TDRD1: variants seen among roughly 807,000 people sequenced by gnomAD.
TDRD1 encodes the protein tudor domain containing 1, also known as tudor domain-containing protein 1.
TDRD1 carries 37 observed loss-of-function variants against 140.6 expected under a neutral mutation model. That is an observed-to-expected ratio of 0.26 (90% CI 0.20 to 0.35). The LOEUF is 0.35. Among genes scored for constraint, TDRD1 ranks in the 10% least tolerant of loss-of-function variants. The probability of loss-of-function intolerance (pLI) is 1.00; values close to 1 mark genes in which losing one functional copy is unlikely to be tolerated. For missense variants in TDRD1, 1,243 were observed against 1,393.0 expected, an observed-to-expected ratio of 0.89 and a Z score of 1.71; for synonymous variants, 506 against 475.7, an observed-to-expected ratio of 1.06 and a Z score of -0.83.
At chr10:114,178,616 G>C (rs1171325766), upstream of TDRD1, among the ~76,000 whole-genome samples, 4 of 152,162 alleles carry the variant, frequency 2.6e-5, no homozygotes, top group African/African-American at 9.7e-5. Context: ...CTAAGTCAAG[G>C]GGTCTGAAAT....
intron 21 of TDRD1, among the ~76,000 whole-genome samples, chr10:114,223,564 A>G (rs2036270584): frequency 6.6e-6 from 1 of 152,208 alleles, no homozygotes; most frequent in Non-Finnish European, 1.5e-5. Context: ...GGTCTTGCAG[A>G]TATTGCACAC....
chr10:114,187,793 A>G, intron 1 of TDRD1, 33 bp from the exon 2 acceptor site: 2 of 1,502,472 alleles, frequency 1.3e-6, no homozygotes, highest in Non-Finnish European at 1.8e-6. Context: ...TTTGAAATTA[A>G]AAGTTGTCTC....
chr10:114,181,671 C>T (rs1392298625), intron 1 of TDRD1, among the ~76,000 whole-genome samples: 1 of 151,960 alleles, frequency 6.6e-6, no homozygotes, highest in African/African-American at 2.4e-5. Flanking sequence ...CTGGTGAAAC[C>T]CCGTCTCTAC....
At chr10:114,204,299 G>T (rs1284135119) in intron 9 of TDRD1, 83 bp downstream of exon 9, 3 of 1,406,338 alleles carry the variant, frequency 2.1e-6, no homozygotes, top group Non-Finnish European at 2.9e-6. Flanking sequence ...GTGTTTGCTT[G>T]TTCTATTCTG....
At chr10:114,221,901 A>G (rs57082196) in intron 20 of TDRD1, among the ~76,000 whole-genome samples, 1 of 152,230 alleles carries the variant, frequency 6.6e-6, no homozygotes, top group East Asian at 1.9e-4. Context: ...GCATATAAAA[A>G]TTTATTTTTA....
chr10:114,196,833 CTTTTTTTTTTTTTTTT>C (rs36124319), intron 3 of TDRD1, among the ~76,000 whole-genome samples: 2 of 48,326 alleles, frequency 4.1e-5, no homozygotes, highest in South Asian at 8.7e-4. Flanking sequence ...TTCTAGCAGT[CTTTTTTTTTTTTTTTT>C]TTTTTTTTTT....
chr10:114,208,149 G>A (rs540136329), intron 11 of TDRD1, among the ~76,000 whole-genome samples: 1 of 152,306 alleles, frequency 6.6e-6, no homozygotes, highest in South Asian at 2.1e-4. Context: ...GGCTAGATTT[G>A]ACTGCTGGTG....
At chr10:114,184,599 G>A (rs2033372771) in intron 1 of TDRD1, among the ~76,000 whole-genome samples, 1 of 152,246 alleles carries the variant, frequency 6.6e-6, no homozygotes, top group Admixed American at 6.5e-5. Flanking sequence ...GTCGCTAACT[G>A]TAGCTGGCAA....
intron 20 of TDRD1, among the ~76,000 whole-genome samples, chr10:114,221,833 C>T (rs2036164190): frequency 6.6e-6 from 1 of 152,188 alleles, no homozygotes; most frequent in Non-Finnish European, 1.5e-5. Flanking sequence ...CATAGCTTTA[C>T]TATACCTTAG....
intron 3 of TDRD1, among the ~76,000 whole-genome samples, chr10:114,191,922 G>A (rs1310017569): frequency 6.6e-6 from 1 of 152,182 alleles, no homozygotes; most frequent in Non-Finnish European, 1.5e-5. Flanking sequence ...CATCACAGAT[G>A]TGTAGTACTA....
intron 1 of TDRD1, among the ~76,000 whole-genome samples, chr10:114,182,840 A>G (rs993171639): frequency 2.6e-5 from 4 of 152,088 alleles, no homozygotes; most frequent in Non-Finnish European, 5.9e-5. Context: ...ACCCGCCACC[A>G]TGCCCAGCTA....
At chr10:114,206,390 A>T in intron 11 of TDRD1, 60 bp downstream of exon 11, 1 of 1,369,012 alleles carries the variant, frequency 7.3e-7, no homozygotes, top group Non-Finnish European at 1.0e-6. Context: ...CCATCTACCT[A>T]CTAAACAAAG....
chr10:114,183,960 T>G (rs578066391), intron 1 of TDRD1, among the ~76,000 whole-genome samples: 1 of 152,186 alleles, frequency 6.6e-6, no homozygotes, highest in African/African-American at 2.4e-5. Flanking sequence ...TTTTTGGTAT[T>G]TAGGATTATT....
chr10:114,217,334 G>A (rs1040265517), intron 16 of TDRD1, among the ~76,000 whole-genome samples: 2 of 152,050 alleles, frequency 1.3e-5, no homozygotes, highest in Admixed American at 6.6e-5. Context: ...CCAGTAAATC[G>A]TTGGTGTTGG....
At chr10:114,227,222 T>G in exon 23 of TDRD1, 1 of 1,614,206 alleles carries the variant, frequency 6.2e-7, no homozygotes. Flanking sequence ...AATGGGACTG[T>G]CGATGTAGCT....
intron 3 of TDRD1, among the ~76,000 whole-genome samples, chr10:114,196,956 C>T (rs753679732): frequency 1.4e-5 from 2 of 143,850 alleles, no homozygotes; most frequent in Non-Finnish European, 3.0e-5. Flanking sequence ...AAGCGATTCT[C>T]CTGTCTCAGC....
chr10:114,206,947 G>A (rs1259153950), intron 11 of TDRD1, among the ~76,000 whole-genome samples: 1 of 149,376 alleles, frequency 6.7e-6, no homozygotes, highest in Non-Finnish European at 1.5e-5. Context: ...CATTTTCTTA[G>A]TTTGTTTTTC....
At chr10:114,208,550 C>G (rs576657124) in intron 11 of TDRD1, among the ~76,000 whole-genome samples, 3 of 152,126 alleles carry the variant, frequency 2.0e-5, no homozygotes, top group Admixed American at 6.5e-5. Context: ...TGTCCCCTCT[C>G]CTCCTACTGT....
At chr10:114,227,569 GTGCTTCTTAT>G (rs1251660862) in intron 23 of TDRD1, among the ~76,000 whole-genome samples, 1 of 152,166 alleles carries the variant, frequency 6.6e-6, no homozygotes, top group Non-Finnish European at 1.5e-5. Flanking sequence ...GGCATTCTGC[GTGCTTCTTAT>G]TTCCAATTTA....
Sources: gnomAD v4.1 joint callset for allele counts (sites outside exome capture counted in the v4.1 genomes callset) on GRCh38, gnomAD v4.1.1 for gene constraint, MANE v1.5 for transcripts, NCBI Gene and HGNC (gene_info 2026-07-23, HGNC 2026-07-21) for gene names.